Variants in MAP4 observed in about 807,000 individuals in gnomAD.
The protein encoded by MAP4 is microtubule associated protein 4.
In MAP4, 76 loss-of-function variants were observed where a neutral mutation model predicts 170.2. The observed-to-expected ratio is 0.45, with a 90% CI of 0.37 to 0.54. The LOEUF (loss-of-function observed/expected upper bound fraction) is 0.54. Ranked by LOEUF, MAP4 falls within the 20% of genes least tolerant of loss-of-function variation. MAP4 has a pLI of 0.00. For missense variants in MAP4, 2,506 were observed against 2,748.0 expected (o/e 0.91, Z 1.97); for synonymous variants, 909 against 994.5 (o/e 0.91, Z 1.62).
intron 3 of MAP4, among the ~76,000 whole-genome samples, chr3:47,939,675 T>C (rs1448776401): frequency 1.8e-4 from 28 of 151,974 alleles, no homozygotes; most frequent in Admixed American, 1.8e-3. Context: ...TCTGCTTATA[T>C]TTCTTACTCA....
Position 47,891,222 on chromosome 3 carries a change from G to A in MAP4, c.5434+11728C>T, listed in dbSNP as rs1400445523. On this transcript the variant is annotated intron_variant, in intron 10 of 20. Coordinates refer to ENST00000683076, the MANE Select transcript of MAP4 (RefSeq NM_001385682.1). ...CTGCTTCCTTCAGGAATCTGCTCCA[G>A]CTTACTATGGAGATATAATCCAGCA... The A allele has an allele frequency of 3.3e-6, 5 of 1,536,056 alleles. No homozygotes were observed. In the African/African-American group the frequency reaches 5.5e-5, roughly 17 times the overall value.
intron 3 of MAP4, among the ~76,000 whole-genome samples, chr3:47,956,977 A>G (rs980001302): frequency 6.6e-5 from 10 of 152,228 alleles, no homozygotes; most frequent in Admixed American, 2.0e-4. Context: ...CCTGGTGGCA[A>G]GTTGATTACG....
chr3:47,908,230 G>A (rs1577400927), intron 9 of MAP4, among the ~76,000 whole-genome samples: 1 of 152,014 alleles, frequency 6.6e-6, no homozygotes, highest in Non-Finnish European at 1.5e-5. Context: ...GGGGGGAAAC[G>A]GGGCTACCAT....
intron 1 of MAP4, among the ~76,000 whole-genome samples, chr3:48,079,341 A>T (rs1198860399): frequency 6.6e-6 from 1 of 151,916 alleles, no homozygotes; most frequent in African/African-American, 2.4e-5. Context: ...TGGATACTCA[A>T]CCTATATCTG....
Position 47,919,356 on chromosome 3 carries a change from G to A in MAP4, c.530-515C>T, listed in dbSNP as rs146065570. ...AGAGTCTCGCACTGTCGCCTGGGCT[G>A]GAGTGCAATGGCACGATCTCGGCTC... On this transcript the variant is annotated intron_variant, in intron 5 of 20. Transcript: ENST00000683076. 5.7e-3 allele frequency among the ~76,000 whole-genome samples: 853 copies of A among 150,346 alleles called. 10 individuals carry two copies. Among genetic ancestry groups the A allele is most frequent in the African/African-American group, 0.02 (802 of 40,902 alleles).
At chr3:47,937,354 G>T (rs1261199588) in intron 3 of MAP4, among the ~76,000 whole-genome samples, 2 of 152,126 alleles carry the variant, frequency 1.3e-5, no homozygotes, top group African/African-American at 2.4e-5. Context: ...TCCTCGGGAA[G>T]GTTCACAAGT....
At chr3:48,029,494 A>C (rs1285955610) in intron 1 of MAP4, among the ~76,000 whole-genome samples, 1 of 152,138 alleles carries the variant, frequency 6.6e-6, no homozygotes, top group Non-Finnish European at 1.5e-5. Flanking sequence ...AGGAAGCAAT[A>C]ATCACTAACT....
chr3:47,998,536 TA>T, intron 2 of MAP4, 101 bp downstream of exon 2: 1 of 906,900 alleles, frequency 1.1e-6, no homozygotes. Context: ...TAGCCTACAC[TA>T]AAAAAACTCA....
chr3:47,941,383 T>C (rs2100056297), intron 3 of MAP4, among the ~76,000 whole-genome samples: 1 of 152,100 alleles, frequency 6.6e-6, no homozygotes, highest in South Asian at 2.1e-4. Context: ...ATTTTCTTCA[T>C]ATACTGCAAC....
intron 3 of MAP4, chr3:47,974,728 T>G (rs1027710542): frequency 1.4e-5 from 14 of 982,082 alleles, no homozygotes; most frequent in Non-Finnish European, 1.7e-5. Flanking sequence ...AAGAAAGTCC[T>G]GTTGAAACAA....
intron 18 of MAP4, among the ~76,000 whole-genome samples, chr3:47,856,113 G>C (rs576649535): frequency 6.6e-6 from 1 of 152,248 alleles, no homozygotes; most frequent in South Asian, 2.1e-4. Flanking sequence ...GGAAGGGTGC[G>C]GGACGAGCTG....
Position 47,909,116 on chromosome 3 carries a change from T to C in MAP4, c.5305A>G (p.Lys1769Glu). 1.9e-6 allele frequency: 3 copies of C among 1,613,994 alleles called. No homozygotes were observed. The highest frequency in any genetic ancestry group is 1.3e-5 in the African/African-American group (1 of 75,068). ...EPMKGYMRPT[K>E]SRGLTPLLPK... ...AAAAGTGGAGTAAGTCCTCGGGACT[T>C]GGTGGGTCTCATGTAGCCTTTCATT... Residue 1769 changes from lysine (K) to glutamate (E), a missense_variant, in exon 9 of 21, where the codon AAG (lysine) becomes GAG (glutamate). Around this residue, in one of 3 missense-constraint regions of MAP4, gnomAD observed 2,008 missense variants for 2,206.0 expected, o/e 0.91. Transcript: ENST00000683076.
At chr3:48,005,221 C>T (rs568528970) in intron 1 of MAP4, among the ~76,000 whole-genome samples, 2 of 152,098 alleles carry the variant, frequency 1.3e-5, no homozygotes, top group African/African-American at 4.8e-5. Context: ...ATTAGCCGGG[C>T]GTGGTGGTGC....
chr3:48,060,290 G>C (rs1305535565), intron 1 of MAP4, among the ~76,000 whole-genome samples: 2 of 151,944 alleles, frequency 1.3e-5, no homozygotes, highest in Non-Finnish European at 2.9e-5. Context: ...AACTGCTACA[G>C]AATAAAGTCC....
At chr3:48,023,814 A>C (rs2100111716) in intron 1 of MAP4, among the ~76,000 whole-genome samples, 1 of 152,204 alleles carries the variant, frequency 6.6e-6, no homozygotes, top group Admixed American at 6.5e-5. Context: ...ACCACAAATG[A>C]AACTACTAAC....
At chr3:48,020,588 A>AG (rs990516174), upstream of MAP4, among the ~76,000 whole-genome samples, 4 of 152,194 alleles carry the variant, frequency 2.6e-5, no homozygotes, top group East Asian at 1.9e-4. Flanking sequence ...TTCAAAAAGG[A>AG]GGGGGGGAAT....
At chr3:48,087,229 T>G (rs369446048) in intron 1 of MAP4, among the ~76,000 whole-genome samples, 2 of 152,352 alleles carry the variant, frequency 1.3e-5, no homozygotes, top group African/African-American at 4.8e-5. Context: ...TCTTTGGAGT[T>G]GAGAAAAGCA....
intron 1 of MAP4, among the ~76,000 whole-genome samples, chr3:48,063,686 G>A (rs1170316777): frequency 2.6e-5 from 4 of 152,048 alleles, no homozygotes; most frequent in Non-Finnish European, 1.5e-5. Context: ...GAGCCATCAA[G>A]CCACAAAAAG....
At chr3:47,903,594 C>A (rs888585516) in intron 9 of MAP4, among the ~76,000 whole-genome samples, 2 of 151,290 alleles carry the variant, frequency 1.3e-5, no homozygotes, top group African/African-American at 2.4e-5. Flanking sequence ...TGACGTATTG[C>A]ATTAATCTTC....
Sources: gnomAD v4.1 joint callset for allele counts (sites outside exome capture counted in the v4.1 genomes callset) on GRCh38, gnomAD v4.1.1 for gene constraint, gnomAD v4.1.1 regional missense constraint, MANE v1.5 for transcripts, NCBI Gene and HGNC (gene_info 2026-07-23, HGNC 2026-07-21) for gene names.